The following FBXL18 variants were observed in gnomAD, a reference collection of about 807,000 sequenced individuals.
FBXL18 encodes the protein F-box and leucine rich repeat protein 18, also known as F-box/LRR-repeat protein 18.
Under a neutral mutation model 46.0 loss-of-function variants are expected in FBXL18, and 36 were observed. The ratio of observed to expected loss-of-function variants is 0.78; its 90% CI spans 0.60 to 1.03. FBXL18 has a LOEUF of 1.03. Among genes scored for constraint, FBXL18 ranks in the 50% least tolerant of loss-of-function variants. The probability of loss-of-function intolerance (pLI) is 0.00; values close to 1 mark genes in which losing one functional copy is unlikely to be tolerated. For synonymous variants in FBXL18, 557 were observed against 465.3 expected, an observed-to-expected ratio of 1.20 and a Z score of -2.54; for missense variants, 977 against 1,004.1, an observed-to-expected ratio of 0.97 and a Z score of 0.36.
chr7:5,463,562 T>C (rs2128231138), intron 4 of FBXL18, among the ~76,000 whole-genome samples: 1 of 151,346 alleles, frequency 6.6e-6, no homozygotes, highest in East Asian at 1.9e-4. Flanking sequence ...AAGGCTGTAG[T>C]GAACCACGAT....
intron 4 of FBXL18, among the ~76,000 whole-genome samples, chr7:5,466,729 G>T (rs574053620): frequency 2.0e-5 from 3 of 152,266 alleles, no homozygotes; most frequent in Admixed American, 6.5e-5. Context: ...TCACAGCACC[G>T]CCGTGCCACG....
Position 5,500,839 on chromosome 7 carries a change from GAC to G in FBXL18, c.1428_1429del (p.Trp476CysfsTer225). 1 of 1,611,264 alleles carries G rather than the reference GAC, an allele frequency of 6.2e-7. No individual in the cohort carries two copies. On this transcript the variant is annotated frameshift_variant, in exon 3 of 5. Transcript: ENST00000382368. LOFTEE classifies it high-confidence loss of function. ...CAGGAAGGGCAGGTTCTTCAGCAGA[GAC>G]CAGAACACGGAGGAGGGCTGGGGGC...
In FBXL18 at chr7:5,464,070, G is replaced by C. The variant is rs1050655400; in HGVS notation, c.2001-16227C>G. Among the ~76,000 whole-genome samples the C allele has an allele frequency of 3.3e-5, 5 of 152,100 alleles. No individual in the cohort carries two copies. In the South Asian group the frequency reaches 1.0e-3, roughly 32 times the overall value. ...TATACATTTTTAAATAACTGGCCGG[G>C]CGCGGTGACTCAGGCCTGTAATCGG... On this transcript the variant is annotated intron_variant and NMD_transcript_variant, in intron 4 of 6. Transcript: ENST00000415009.
At chr7:5,465,654 AAAAT>A (rs1349155981) in intron 4 of FBXL18, among the ~76,000 whole-genome samples, 1 of 152,124 alleles carries the variant, frequency 6.6e-6, no homozygotes, top group Non-Finnish European at 1.5e-5. Context: ...AAAATAAACA[AAAAT>A]AAAATCTGGA....
At chr7:5,469,084 A>C (rs115416738) in intron 4 of FBXL18, among the ~76,000 whole-genome samples, 1 of 152,010 alleles carries the variant, frequency 6.6e-6, no homozygotes, top group African/African-American at 2.4e-5. Context: ...CTGTGTGGAC[A>C]TGTCTGAGTG....
chr7:5,459,967 C>CG (rs980606677), intron 4 of FBXL18, among the ~76,000 whole-genome samples: 2 of 151,910 alleles, frequency 1.3e-5, no homozygotes, highest in Non-Finnish European at 2.9e-5. Context: ...TGATGAGTCA[C>CG]GCAGCCTTTT....
chr7:5,511,339 G>A (rs927817382), intron 1 of FBXL18, among the ~76,000 whole-genome samples: 2 of 152,152 alleles, frequency 1.3e-5, no homozygotes, highest in African/African-American at 2.4e-5. Flanking sequence ...AGCACTATGG[G>A]AGGCCAAGGT....
rs1584236586 is a variant in FBXL18 at position 5,501,873 on chromosome 7, A to C, written c.396T>G (p.Thr132=). 1.9e-6 allele frequency: 3 copies of C among 1,603,014 alleles called. No homozygotes were observed. The Admixed American group carries it at 5.2e-5, about 28-fold the overall frequency. The part of the protein sequence containing the change: ...VKVNLSGCHL[T]SLRLSKMLSA... The stretch of plus-strand genomic sequence containing the variant: ...AGAGCATCTTGGAGAGGCGCAGGGA[A>C]GTGAGGTGGCAGCCCGAGAGGTTCA... Residue 132 remains threonine (T), a synonymous_variant, in exon 3 of 5, where the codon ACT becomes ACG. Coordinates refer to ENST00000382368, the MANE Select transcript of FBXL18 (RefSeq NM_024963.6).
At position 5,481,635 on chromosome 7, in the gene FBXL18, G is replaced by A. The variant is rs550871977; in HGVS notation, c.*140C>T. 1.2e-3 allele frequency: 974 copies of A among 846,874 alleles called. No individual in the cohort carries two copies. The highest frequency in any genetic ancestry group is 1.6e-3 in the Non-Finnish European group (853 of 531,742). 52.5% of individuals were successfully genotyped at this position (846,874 alleles called of 1,614,324 possible). A position where few individuals can be genotyped will look rare whatever the true frequency, so the allele number is the denominator to read the frequency against. On this transcript the variant is annotated 3_prime_UTR_variant, in exon 5 of 5. Transcript: ENST00000382368. The stretch of plus-strand genomic sequence containing the variant: ...CCCATGAGAGAGCCGTGGAGACGCC[G>A]GGAGCCCCAGGAGCCAGGTGGGGCG...
At chr7:5,506,676 C>A (rs1350531821) in intron 1 of FBXL18, among the ~76,000 whole-genome samples, 1 of 151,990 alleles carries the variant, frequency 6.6e-6, no homozygotes, top group Admixed American at 6.6e-5. Context: ...CGTGCCTCAG[C>A]CTCCTGAGTA....
intron 3 of FBXL18, among the ~76,000 whole-genome samples, chr7:5,497,049 A>AC (rs1784099598): frequency 6.7e-6 from 1 of 150,024 alleles, no homozygotes; most frequent in African/African-American, 2.5e-5. Flanking sequence ...AAAAAAAAAA[A>AC]AACTAGCCGG....
intron 3 of FBXL18, among the ~76,000 whole-genome samples, chr7:5,493,389 G>A (rs182564810): frequency 2.9e-3 from 443 of 152,198 alleles, no homozygotes; most frequent in South Asian, 7.1e-3. Context: ...GCAAGCTCCC[G>A]GGTTCACGCC....
intron 1 of FBXL18, among the ~76,000 whole-genome samples, chr7:5,507,270 C>A (rs1037454244): frequency 1.3e-5 from 2 of 152,128 alleles, no homozygotes; most frequent in Non-Finnish European, 2.9e-5. Flanking sequence ...ACACCCCACA[C>A]GGGTATCGGA....
intron 4 of FBXL18, among the ~76,000 whole-genome samples, chr7:5,458,934 C>T (rs1397505000): frequency 6.6e-6 from 1 of 151,276 alleles, no homozygotes; most frequent in Non-Finnish European, 1.5e-5. Flanking sequence ...ATTGGTTGAG[C>T]CCAGGAGTTT....
At chr7:5,458,302 C>T (rs985593950) in intron 4 of FBXL18, among the ~76,000 whole-genome samples, 9 of 152,188 alleles carry the variant, frequency 5.9e-5, no homozygotes, top group African/African-American at 1.4e-4. Context: ...CAGTGGCTCA[C>T]GCCTGTAATC....
At chr7:5,509,831 G>T (rs1784484473) in intron 1 of FBXL18, among the ~76,000 whole-genome samples, 1 of 152,054 alleles carries the variant, frequency 6.6e-6, no homozygotes, top group Non-Finnish European at 1.5e-5. Flanking sequence ...ACTGGCCCAG[G>T]AAGCAGCTCG....
At chr7:5,491,839 T>C (rs1385596773) in intron 3 of FBXL18, among the ~76,000 whole-genome samples, 7 of 152,098 alleles carry the variant, frequency 4.6e-5, no homozygotes, top group African/African-American at 1.7e-4. Flanking sequence ...ACCCCACACA[T>C]GGCCCCTGCC....
At chr7:5,500,402 G>A (rs1340425306) in intron 3 of FBXL18, 86 bp downstream of exon 3, 2 of 1,293,790 alleles carry the variant, frequency 1.5e-6, no homozygotes, top group Non-Finnish European at 1.1e-6. Flanking sequence ...CTGGAGGGCA[G>A]GCCAGCCACC....
chr7:5,473,296 C>T (rs1003170936), downstream of FBXL18, among the ~76,000 whole-genome samples: 3 of 152,114 alleles, frequency 2.0e-5, no homozygotes, highest in African/African-American at 4.8e-5. Context: ...CCACCCTGGC[C>T]GCTCCGTTCT....
Sources: gnomAD v4.1 joint callset for allele counts (sites outside exome capture counted in the v4.1 genomes callset) on GRCh38, gnomAD v4.1.1 for gene constraint, MANE v1.5 for transcripts, NCBI Gene and HGNC (gene_info 2026-07-23, HGNC 2026-07-21) for gene names.